The following MKNK1 variants were observed in gnomAD, a reference collection of about 807,000 sequenced individuals.
The protein encoded by MKNK1 is MAPK interacting serine/threonine kinase 1.
In MKNK1, 30 loss-of-function variants were observed where a neutral mutation model predicts 49.3. The ratio of observed to expected loss-of-function variants is 0.61; its 90% CI spans 0.46 to 0.83. The LOEUF is 0.83. MKNK1 is among the 40% of genes least tolerant of loss of function. The pLI, the probability that MKNK1 is intolerant of heterozygous loss-of-function variation, is 0.00. For synonymous variants in MKNK1, 176 were observed against 201.7 expected (o/e 0.87, Z 1.08); for missense variants, 423 against 524.7 (o/e 0.81, Z 1.89).
At chr1:46,595,371 G>A (rs574734240) in intron 1 of MKNK1, among the ~76,000 whole-genome samples, 3 of 152,052 alleles carry the variant, frequency 2.0e-5, no homozygotes, top group Admixed American at 1.3e-4. Context: ...GTTTCACCAT[G>A]ACCTCAAACC....
intron 10 of MKNK1, among the ~76,000 whole-genome samples, chr1:46,562,413 AAAAAAAAG>A (rs1389631193): frequency 6.6e-6 from 1 of 151,150 alleles, no homozygotes; most frequent in African/African-American, 2.4e-5. Context: ...AAAAAAAAAA[AAAAAAAAG>A]AGTCAGTTCA....
intron 8 of MKNK1, 111 bp downstream of exon 8, chr1:46,568,332 A>C (rs1669459894): frequency 2.2e-6 from 2 of 918,122 alleles, no homozygotes; most frequent in African/African-American, 1.6e-5. Flanking sequence ...CAAGACGATC[A>C]GTTCAAGTTG....
At position 46,578,325 on chromosome 1, in the gene MKNK1, T is replaced by C. The variant is rs189218586; in HGVS notation, c.199-1671A>G. On this transcript the variant is annotated intron_variant, in intron 4 of 12. Coordinates refer to ENST00000371945, the MANE Select transcript of MKNK1 (RefSeq NM_001135553.4). ...ATAAGCTAAGTATTGTGGGGCCATG[T>C]TGGGAGAAGTAGCCCATCTCTAGGG... Among the ~76,000 whole-genome samples the C allele has an allele frequency of 2.9e-3, 448 of 152,196 alleles. 1 individual carries two copies. The highest frequency in any genetic ancestry group is 0.01 in the African/African-American group (434 of 41,540).
chr1:46,600,969 T>C (rs951253391), intron 1 of MKNK1, among the ~76,000 whole-genome samples: 4 of 151,318 alleles, frequency 2.6e-5, no homozygotes, highest in Non-Finnish European at 5.9e-5. Context: ...CAGGCTGGAG[T>C]GCAATGGCAC....
intron 9 of MKNK1, among the ~76,000 whole-genome samples, chr1:46,564,569 C>T (rs1304069261): frequency 1.4e-5 from 2 of 146,756 alleles, no homozygotes; most frequent in African/African-American, 2.5e-5. Flanking sequence ...CTCCACCCCT[C>T]GGGTTCAAGC....
chr1:46,573,483 G>A (rs1406916431), intron 6 of MKNK1, among the ~76,000 whole-genome samples: 2 of 152,174 alleles, frequency 1.3e-5, no homozygotes, highest in Non-Finnish European at 2.9e-5. Context: ...AGCATTTCTG[G>A]GCTGAAGGTA....
At chr1:46,567,262 C>T (rs762587406) in intron 8 of MKNK1, among the ~76,000 whole-genome samples, 2 of 152,184 alleles carry the variant, frequency 1.3e-5, no homozygotes, top group African/African-American at 4.8e-5. Flanking sequence ...TCTCTTTCGC[C>T]TTGCCTTTCC....
chr1:46,559,963 A>G (rs1557818632), intron 12 of MKNK1, among the ~76,000 whole-genome samples: 1 of 152,184 alleles, frequency 6.6e-6, no homozygotes, highest in Non-Finnish European at 1.5e-5. Flanking sequence ...TGTAAGTTAC[A>G]GTTCAATGGG....
At chr1:46,562,223 G>A (rs767132209) in intron 10 of MKNK1, among the ~76,000 whole-genome samples, 26 of 151,842 alleles carry the variant, frequency 1.7e-4, no homozygotes, top group Non-Finnish European at 2.5e-4. Context: ...ATGAAACCCC[G>A]TCTCTACTGA....
chr1:46,573,732 ACT>A (rs1670540871), intron 6 of MKNK1: 1 of 149,550 alleles, frequency 6.7e-6, no homozygotes, highest in Admixed American at 6.7e-5. Context: ...TGCTTTACAT[ACT>A]TTTTTTTTTT....
At chr1:46,562,908 G>T in intron 9 of MKNK1, 65 bp from the exon 10 acceptor site, 2 of 1,334,516 alleles carry the variant, frequency 1.5e-6, no homozygotes, top group Non-Finnish European at 2.1e-6. Context: ...TTACAGCAGA[G>T]GGGATGGCAG....
intron 7 of MKNK1, among the ~76,000 whole-genome samples, chr1:46,570,662 G>A (rs574158415): frequency 6.6e-6 from 1 of 152,342 alleles, no homozygotes; most frequent in African/African-American, 2.4e-5. Context: ...AGCAGAGGGG[G>A]CAGACCTAAG....
chr1:46,568,781 C>A lies in MKNK1; in HGVS notation c.458-283G>T. ...CTACCCCTCAGTACCACAGTGACCA[C>A]CAAGAAGAAGGCCTAATGCAGAGCA... On this transcript the variant is annotated intron_variant, in intron 7 of 12. Transcript: ENST00000371945. 5 of 456,540 alleles carry A rather than the reference C, an allele frequency of 1.1e-5. No individual in the cohort carries two copies. The South Asian group carries it at 1.1e-4, about 10-fold the overall frequency. The allele number at this position is 456,540 out of a possible 1,614,324, so 28.3% of individuals were successfully genotyped here. A position where few individuals can be genotyped will look rare whatever the true frequency, so the allele number is the denominator to read the frequency against.
At chr1:46,580,961 C>T (rs1671642801) in intron 3 of MKNK1, among the ~76,000 whole-genome samples, 2 of 152,178 alleles carry the variant, frequency 1.3e-5, no homozygotes, top group African/African-American at 2.4e-5. Context: ...GGGGCTTACA[C>T]CTGTAATCCT....
At position 46,558,410 on chromosome 1, in the gene MKNK1, A is replaced by C; in HGVS notation, c.*165T>G. Reference sequence around the variant, plus strand: ...AAAAAGCTTTTTCCTCCAGGACCCTAGGGAAATGGGGGTTGATGGGAACCT... The same window carrying C: ...AAAAAGCTTTTTCCTCCAGGACCCTCGGGAAATGGGGGTTGATGGGAACCT... On this transcript the variant is annotated 3_prime_UTR_variant, in exon 13 of 13. Transcript: ENST00000371945. 1.5e-6 allele frequency: 1 copy of C among 660,430 alleles called. No individual in the cohort carries two copies. 40.9% of individuals were successfully genotyped at this position (660,430 alleles called of 1,614,324 possible). A position where few individuals can be genotyped will look rare whatever the true frequency, so the allele number is the denominator to read the frequency against.
At chr1:46,577,269 A>C (rs956341850) in intron 4 of MKNK1, among the ~76,000 whole-genome samples, 27 of 152,180 alleles carry the variant, frequency 1.8e-4, no homozygotes, top group African/African-American at 6.5e-4. Flanking sequence ...ACCTGAGGTC[A>C]GGAGTTCTAG....
chr1:46,574,412 G>T (rs10890405), intron 6 of MKNK1: 4 of 152,166 alleles, frequency 2.6e-5, no homozygotes, highest in African/African-American at 9.7e-5. Flanking sequence ...GGGAGTGATG[G>T]GAAGGGAAAG....
intron 7 of MKNK1, 152 bp from the exon 8 acceptor site, chr1:46,568,650 A>AACCAC (rs1268815300): frequency 1.4e-6 from 1 of 716,656 alleles, no homozygotes; most frequent in Non-Finnish European, 2.4e-6. Flanking sequence ...AGGCAGAAGT[A>AACCAC]ACCAGCGACA....
intron 3 of MKNK1, 56 bp downstream of exon 3, chr1:46,583,172 C>T: frequency 1.4e-6 from 2 of 1,391,980 alleles, no homozygotes; most frequent in South Asian, 1.2e-5. Flanking sequence ...TCCCGGGATG[C>T]TCCTCCCATG....
Sources: allele counts gnomAD v4.1 joint callset (sites outside exome capture counted in the v4.1 genomes callset), GRCh38; gene constraint gnomAD v4.1.1; transcripts MANE v1.5; gene names NCBI Gene and HGNC (gene_info 2026-07-23, HGNC 2026-07-21).